The following PCDHA4 variants were observed in gnomAD, a reference collection of about 807,000 sequenced individuals.
PCDHA4 encodes the protein protocadherin alpha 4.
Under a neutral mutation model 61.4 loss-of-function variants are expected in PCDHA4, and 49 were observed. That is an observed-to-expected ratio of 0.80 (90% CI 0.63 to 1.01). The LOEUF is 1.01. Among genes scored for constraint, PCDHA4 ranks in the 50% least tolerant of loss-of-function variants. PCDHA4 has a pLI of 0.00. For synonymous variants in PCDHA4, 590 were observed against 550.3 expected, an observed-to-expected ratio of 1.07 and a Z score of -1.01; for missense variants, 1,254 against 1,235.8, an observed-to-expected ratio of 1.01 and a Z score of -0.22.
At chr5:140,988,761 A>G (rs1320753301) in intron 3 of PCDHA4, among the ~76,000 whole-genome samples, 1 of 152,218 alleles carries the variant, frequency 6.6e-6, no homozygotes, top group Non-Finnish European at 1.5e-5. Context: ...TGGGCAGAAT[A>G]CAGTCATGGT....
intron 1 of PCDHA4, among the ~76,000 whole-genome samples, chr5:140,939,634 G>C (rs1032922800): frequency 3.9e-5 from 6 of 152,066 alleles, no homozygotes; most frequent in African/African-American, 7.2e-5. Context: ...AATCAATAAG[G>C]GTACTGAAAA....
Position 141,009,839 on chromosome 5 carries a change from A to G in PCDHA4, c.2746A>G (p.Lys916Glu), listed in dbSNP as rs2098414795. 6.2e-7 allele frequency: 1 copy of G among 1,614,164 alleles called. No individual in the cohort carries two copies. Residue 916 changes from lysine (K) to glutamate (E), a missense_variant, in exon 4 of 4, where the codon AAG becomes GAG. Coordinates refer to ENST00000530339, the MANE Select transcript of PCDHA4 (RefSeq NM_018907.4). The part of the protein sequence containing the change: ...DKSDFITFGK[K>E]EETKKKKKKK... ...AAGTGACTTCATAACCTTCGGCAAA[A>G]AGGAGGAGACCAAGAAAAAGAAGAA...
chr5:140,870,005 T>A lies in PCDHA4; in HGVS notation c.2385+60433T>A, dbSNP rs1006397532. 1 of 1,612,940 alleles carries A rather than the reference T, an allele frequency of 6.2e-7. No individual in the cohort carries two copies. The highest frequency in any genetic ancestry group is 1.7e-5 in the Admixed American group (1 of 59,888). The stretch of plus-strand genomic sequence containing the variant: ...ACACTAGATCAAAATAATGGAGAAG[T>A]GAGGGTCAATGGAACTTTAGATTAT... On this transcript the variant is annotated intron_variant, in intron 1 of 3. Coordinates refer to ENST00000530339, the MANE Select transcript of PCDHA4 (RefSeq NM_018907.4).
intron 3 of PCDHA4, among the ~76,000 whole-genome samples, chr5:141,006,271 G>T (rs2098264486): frequency 6.6e-6 from 1 of 151,918 alleles, no homozygotes; most frequent in Non-Finnish European, 1.5e-5. Context: ...GACTGCAGTG[G>T]CACGATCTCA....
intron 1 of PCDHA4, chr5:140,929,052 C>G (rs1379551578): frequency 6.2e-7 from 1 of 1,614,058 alleles, no homozygotes; most frequent in African/African-American, 1.3e-5. Context: ...GCTGCTGTCG[C>G]TCTACAGAGG....
intron 1 of PCDHA4, chr5:140,876,221 T>C: frequency 1.2e-6 from 2 of 1,613,988 alleles, no homozygotes; most frequent in Non-Finnish European, 1.7e-6. Context: ...TATAAAGTAG[T>C]GTTGTCTGAA....
At chr5:140,933,901 CAT>C (rs1354614736) in intron 1 of PCDHA4, among the ~76,000 whole-genome samples, 33 of 151,882 alleles carry the variant, frequency 2.2e-4, no homozygotes, top group African/African-American at 7.7e-4. Flanking sequence ...AATATTTTGG[CAT>C]AAAGTTGTTT....
chr5:140,900,101 T>C (rs2067753417), intron 1 of PCDHA4, among the ~76,000 whole-genome samples: 1 of 152,180 alleles, frequency 6.6e-6, no homozygotes, highest in African/African-American at 2.4e-5. Flanking sequence ...TGCGCCACCA[T>C]ACCTGGCCTT....
chr5:140,863,268 G>T (rs781869652), intron 1 of PCDHA4: 5 of 1,459,234 alleles, frequency 3.4e-6, no homozygotes, highest in African/African-American at 1.4e-5. Flanking sequence ...GGGAGGCAGC[G>T]CTGGTGGATG....
chr5:140,870,654 C>T lies in PCDHA4; in HGVS notation c.2385+61082C>T, dbSNP rs781878209. 10 of 1,612,444 alleles carry T rather than the reference C, an allele frequency of 6.2e-6. No homozygotes were observed. The African/African-American group carries it at 8.0e-5, about 13-fold the overall frequency. ...TGCACGCGGAGAGCGGCAAGGTGTACGCGCTGCAGCCGTTGGACCACGAGG... is the reference window on the plus strand; with the variant it reads ...TGCACGCGGAGAGCGGCAAGGTGTATGCGCTGCAGCCGTTGGACCACGAGG... On this transcript the variant is annotated intron_variant, in intron 1 of 3. Transcript: ENST00000530339.
intron 1 of PCDHA4, chr5:140,830,318 A>G: frequency 6.2e-7 from 1 of 1,613,956 alleles, no homozygotes; most frequent in Non-Finnish European, 8.5e-7. Context: ...GGTGTGCTCC[A>G]GCGCAGTGGG....
chr5:140,857,656 G>C (rs1269090821), intron 1 of PCDHA4: 1 of 1,596,806 alleles, frequency 6.3e-7, no homozygotes, highest in Non-Finnish European at 8.6e-7. Flanking sequence ...AGGTGAGCGC[G>C]CGCGATGGGG....
chr5:140,850,920 A>G (rs2150502262), intron 1 of PCDHA4: 1 of 1,526,818 alleles, frequency 6.5e-7, no homozygotes, highest in Non-Finnish European at 8.8e-7. Flanking sequence ...ATTTATTTAT[A>G]TAATTTTTTT....
intron 1 of PCDHA4, chr5:140,817,666 T>G (rs1766174084): frequency 1.3e-5 from 2 of 152,210 alleles, no homozygotes; most frequent in Non-Finnish European, 2.9e-5. Context: ...TGCCTTTCAA[T>G]TATTTATATG....
At chr5:140,890,718 T>A (rs2062769103) in intron 1 of PCDHA4, among the ~76,000 whole-genome samples, 1 of 152,212 alleles carries the variant, frequency 6.6e-6, no homozygotes, top group Non-Finnish European at 1.5e-5. Context: ...AAAATCTTTT[T>A]AATCCCTTTT....
At chr5:140,991,228 T>C (rs2097439456) in intron 3 of PCDHA4, among the ~76,000 whole-genome samples, 1 of 152,220 alleles carries the variant, frequency 6.6e-6, no homozygotes, top group African/African-American at 2.4e-5. Flanking sequence ...CATTAATAAA[T>C]GCAGTGGTAA....
intron 3 of PCDHA4, among the ~76,000 whole-genome samples, chr5:141,002,901 G>C (rs2098101392): frequency 6.6e-6 from 1 of 152,224 alleles, no homozygotes; most frequent in Admixed American, 6.5e-5. Flanking sequence ...GCAAGATGAA[G>C]AGAAGATCAG....
rs2150486474 is a variant in PCDHA4, at chr5:140,850,498, C to T, written c.2385+40926C>T. On this transcript the variant is annotated intron_variant, in intron 1 of 3. Coordinates refer to ENST00000530339, the MANE Select transcript of PCDHA4 (RefSeq NM_018907.4). ...ACGGCCACGGCCACTGTGCTGGTGTCGCTGGTGGAGAGCGGCCAGGCGCCA... is the reference window on the plus strand; with the variant it reads ...ACGGCCACGGCCACTGTGCTGGTGTTGCTGGTGGAGAGCGGCCAGGCGCCA... 30 of 1,598,138 alleles carry T rather than the reference C, an allele frequency of 1.9e-5. 3 individuals are homozygous for T. Among genetic ancestry groups the T allele is most frequent in the Non-Finnish European group, 2.6e-5 (30 of 1,167,764 alleles).
intron 1 of PCDHA4, among the ~76,000 whole-genome samples, chr5:140,839,625 C>T (rs1361180713): frequency 6.6e-6 from 1 of 151,884 alleles, no homozygotes; most frequent in African/African-American, 2.4e-5. Flanking sequence ...CCTGAGATAT[C>T]GAGAAATACT....
Sources: allele counts gnomAD v4.1 joint callset (sites outside exome capture counted in the v4.1 genomes callset), GRCh38; gene constraint gnomAD v4.1.1; transcripts MANE v1.5; gene names NCBI Gene and HGNC (gene_info 2026-07-23, HGNC 2026-07-21).